The following SKAP1 variants were observed in gnomAD, a reference collection of about 807,000 sequenced individuals.
SKAP1 encodes src kinase-associated phosphoprotein 1.
A neutral mutation model predicts 58.5 loss-of-function variants in SKAP1; 44 were observed. The observed-to-expected ratio is 0.75, with a 90% CI of 0.59 to 0.97. SKAP1 has a LOEUF of 0.97. SKAP1 is among the 50% of genes least tolerant of loss of function. The probability of loss-of-function intolerance (pLI) is 0.00; values close to 1 mark genes in which losing one functional copy is unlikely to be tolerated. For synonymous variants in SKAP1, 127 were observed against 149.7 expected (o/e 0.85, Z 1.11); for missense variants, 390 against 435.2 (o/e 0.90, Z 0.92).
At chr17:48,150,683 G>A (rs1242446689) in intron 11 of SKAP1, among the ~76,000 whole-genome samples, 1 of 152,218 alleles carries the variant, frequency 6.6e-6, no homozygotes, top group Admixed American at 6.5e-5. Context: ...GATGGTGGGT[G>A]CGTATAAGAT....
chr17:48,379,962 A>G lies in SKAP1; in HGVS notation c.153-16148T>C, dbSNP rs546954473. ...CTCCCAAAGTGCTGGGATTACAGGC[A>G]TGAGCCACCGTGCCCGGCCTAAAGT... On this transcript the variant is annotated intron_variant, in intron 2 of 12. Transcript: ENST00000336915. 9.2e-5 allele frequency among the ~76,000 whole-genome samples: 14 copies of G among 152,256 alleles called. No individual in the cohort carries two copies. In the East Asian group the frequency reaches 2.3e-3, roughly 25 times the overall value.
intron 1 of SKAP1, among the ~76,000 whole-genome samples, chr17:48,422,693 T>A (rs919533905): frequency 6.6e-6 from 1 of 152,102 alleles, no homozygotes; most frequent in Non-Finnish European, 1.5e-5. Flanking sequence ...CCTGAAGAAC[T>A]AAAGACAATG....
At chr17:48,207,691 A>G (rs2064826469) in intron 4 of SKAP1, among the ~76,000 whole-genome samples, 1 of 152,100 alleles carries the variant, frequency 6.6e-6, no homozygotes, top group Non-Finnish European at 1.5e-5. Flanking sequence ...GTCTCTTTCC[A>G]CTGGAGAGCT....
the SKAP1 span, among the ~76,000 whole-genome samples, chr17:48,437,463 C>T: frequency 6.6e-6 from 1 of 152,116 alleles, no homozygotes; most frequent in Non-Finnish European, 1.5e-5. Context: ...AACAGTTAGG[C>T]CGGGTGTGGT....
chr17:48,354,748 C>A (rs979536758), intron 3 of SKAP1, among the ~76,000 whole-genome samples: 1 of 152,110 alleles, frequency 6.6e-6, no homozygotes, highest in African/African-American at 2.4e-5. Flanking sequence ...AAAATAAATG[C>A]TTTCTAATAG....
intron 2 of SKAP1, among the ~76,000 whole-genome samples, chr17:48,375,998 G>A (rs963815028): frequency 6.6e-6 from 1 of 152,170 alleles, no homozygotes; most frequent in African/African-American, 2.4e-5. Flanking sequence ...GACGCCTTTC[G>A]GTTCCAAACT....
At chr17:48,283,635 T>C (rs1371424501) in intron 4 of SKAP1, among the ~76,000 whole-genome samples, 2 of 152,218 alleles carry the variant, frequency 1.3e-5, no homozygotes, top group Admixed American at 1.3e-4. Flanking sequence ...AGGATCTCAC[T>C]AACTCTTGAA....
intron 11 of SKAP1, among the ~76,000 whole-genome samples, chr17:48,155,675 G>A (rs1406670893): frequency 3.9e-5 from 6 of 151,970 alleles, no homozygotes; most frequent in East Asian, 1.9e-4. Flanking sequence ...TGGCCAATAT[G>A]GCAAAATCCC....
intron 4 of SKAP1, among the ~76,000 whole-genome samples, chr17:48,276,609 T>G (rs564962968): frequency 1.3e-5 from 2 of 152,328 alleles, no homozygotes; most frequent in South Asian, 4.1e-4. Flanking sequence ...CTTAATTTCT[T>G]TTGTTCCATA....
intron 4 of SKAP1, among the ~76,000 whole-genome samples, chr17:48,211,024 C>A (rs529426461): frequency 3.9e-5 from 6 of 152,032 alleles, no homozygotes; most frequent in Non-Finnish European, 8.8e-5. Flanking sequence ...GGGGGAGGCA[C>A]CCCAGGAATG....
At chr17:48,176,031 C>A (rs1045158005) in intron 9 of SKAP1, among the ~76,000 whole-genome samples, 1 of 152,176 alleles carries the variant, frequency 6.6e-6, no homozygotes, top group African/African-American at 2.4e-5. Flanking sequence ...GTTCCCCCTT[C>A]CTGTGGGTCT....
At chr17:48,318,071 CA>C (rs1235834825) in intron 4 of SKAP1, among the ~76,000 whole-genome samples, 1 of 152,054 alleles carries the variant, frequency 6.6e-6, no homozygotes. Flanking sequence ...TGAACAATAC[CA>C]CTGATTTTTA....
intron 4 of SKAP1, among the ~76,000 whole-genome samples, chr17:48,240,647 ATGGGCAATATAT>A (rs1223539431): frequency 6.6e-6 from 1 of 152,130 alleles, no homozygotes; most frequent in African/African-American, 2.4e-5. Flanking sequence ...CCCTTCACAC[ATGGGCAATATAT>A]GTCCAGAAAC....
In SKAP1 at chr17:48,309,166, A is replaced by G. The variant is rs549705237; in HGVS notation, c.280+36739T>C. ...TCCAAATCTCAAGCAGGTTTTAGAT[A>G]ACACTTTAAAAAATGCATCATTTTA... On this transcript the variant is annotated intron_variant, in intron 4 of 12. Coordinates refer to ENST00000336915, the MANE Select transcript of SKAP1 (RefSeq NM_003726.4). Among the ~76,000 whole-genome samples, 4 of 152,278 alleles carry G rather than the reference A, an allele frequency of 2.6e-5. No homozygotes were observed. In the South Asian group the frequency reaches 8.3e-4, roughly 32 times the overall value.
chr17:48,160,184 T>G (rs2064047636), intron 11 of SKAP1, among the ~76,000 whole-genome samples: 1 of 152,200 alleles, frequency 6.6e-6, no homozygotes, highest in African/African-American at 2.4e-5. Context: ...AAGAGTGCAG[T>G]GGCAATCATG....
chr17:48,403,903 A>G (rs1312343621), intron 1 of SKAP1, among the ~76,000 whole-genome samples: 1 of 151,872 alleles, frequency 6.6e-6, no homozygotes, highest in African/African-American at 2.4e-5. Context: ...CCTGGCCAAT[A>G]TGGCGAAAAC....
intron 4 of SKAP1, among the ~76,000 whole-genome samples, chr17:48,265,366 A>T (rs1418709281): frequency 6.6e-6 from 1 of 152,096 alleles, no homozygotes; most frequent in Admixed American, 6.5e-5. Flanking sequence ...TTAGCCCGGC[A>T]TGGTAGCAGA....
intron 10 of SKAP1, among the ~76,000 whole-genome samples, chr17:48,167,019 C>A (rs576929653): frequency 5.9e-5 from 9 of 151,930 alleles, no homozygotes; most frequent in Non-Finnish European, 1.3e-4. Context: ...TGCATGCCAC[C>A]ACACCCAGCT....
intron 4 of SKAP1, among the ~76,000 whole-genome samples, chr17:48,297,453 CTTAG>C (rs2065993602): frequency 6.6e-6 from 1 of 152,128 alleles, no homozygotes; most frequent in South Asian, 2.1e-4. Flanking sequence ...TATTATCATT[CTTAG>C]TTAGGAATGG....
Sources: gnomAD v4.1 joint callset for allele counts (sites outside exome capture counted in the v4.1 genomes callset) on GRCh38, gnomAD v4.1.1 for gene constraint, MANE v1.5 for transcripts, NCBI Gene and HGNC (gene_info 2026-07-23, HGNC 2026-07-21) for gene names.